MIB1: variants seen among roughly 807,000 people sequenced by gnomAD.
The protein encoded by MIB1 is E3 ubiquitin-protein ligase MIB1.
MIB1 carries 278 observed loss-of-function variants against 124.5 expected under a neutral mutation model. The observed-to-expected ratio is 2.23, with a 90% CI of 2.02 to 2.47. MIB1 has a LOEUF of 2.47. Among genes scored for constraint, MIB1 ranks in the 30% most tolerant of loss-of-function variants. The probability of loss-of-function intolerance (pLI) is 0.00; values close to 1 mark genes in which losing one functional copy is unlikely to be tolerated. For missense variants in MIB1, 957 were observed against 1,254.4 expected (o/e 0.76, Z 3.58); for synonymous variants, 446 against 429.4 (o/e 1.04, Z -0.48).
intron 1 of MIB1, among the ~76,000 whole-genome samples, chr18:21,718,179 G>C (rs1231403850): frequency 6.6e-6 from 1 of 152,146 alleles, no homozygotes; most frequent in Non-Finnish European, 1.5e-5. Context: ...ATAAGTGGGA[G>C]CTAAGCTATG....
rs1215000809 is a variant in MIB1 at position 21,868,070 on chromosome 18, G to T, written c.*3404G>T. 1 of 151,924 alleles carries T rather than the reference G, an allele frequency of 6.6e-6. No homozygotes were observed. Among genetic ancestry groups the T allele is most frequent in the Non-Finnish European group, 1.5e-5 (1 of 67,900 alleles). 9.4% of individuals were successfully genotyped at this position (151,924 alleles called of 1,614,324 possible). A position where few individuals can be genotyped will look rare whatever the true frequency, so the allele number is the denominator to read the frequency against. ...ATCAGAATGTCTACCATGTTTTATA[G>T]TAATAATTTGTGTAAAAAATTGAAT... is the stretch of plus-strand genomic sequence containing the variant. On this transcript the variant is annotated 3_prime_UTR_variant, in exon 21 of 21. Coordinates refer to ENST00000261537, the MANE Select transcript of MIB1 (RefSeq NM_020774.4).
At position 21,761,186 on chromosome 18, in the gene MIB1, A is replaced by G. The variant is rs2298612; in HGVS notation, c.230-4586A>G. Among the ~76,000 whole-genome samples, 427 of 151,866 alleles carry G rather than the reference A, an allele frequency of 2.8e-3. 7 individuals carry two copies. In the East Asian group the frequency reaches 0.037, roughly 13 times the overall value. On this transcript the variant is annotated intron_variant, in intron 1 of 20. Coordinates refer to ENST00000261537, the MANE Select transcript of MIB1 (RefSeq NM_020774.4). Reference sequence around the variant, plus strand: ...CTTCTAACACAAATACCAAAAGTTTACAAAATTAGTTGCAAAACTATTCTC... The same window carrying G: ...CTTCTAACACAAATACCAAAAGTTTGCAAAATTAGTTGCAAAACTATTCTC...
intron 18 of MIB1, chr18:21,854,868 T>A: frequency 4.6e-6 from 1 of 215,708 alleles, no homozygotes; most frequent in Non-Finnish European, 9.7e-6. Context: ...CATGCAGACA[T>A]TGGTGCTTTC....
chr18:21,738,093 C>T (rs538465074), upstream of MIB1, among the ~76,000 whole-genome samples: 69 of 152,316 alleles, frequency 4.5e-4, no homozygotes, highest in Middle Eastern at 3.4e-3. Flanking sequence ...AGCACCACAT[C>T]GCACTTATTC....
Position 21,815,733 on chromosome 18 carries a change from C to G in MIB1, c.1597C>G (p.Pro533Ala). ...LNARNKRRQTPLHIAVNKGHL... is the reference protein window; with the variant it reads ...LNARNKRRQTALHIAVNKGHL... ...TGCTCGAAACAAGCGCCGACAGACA[C>G]CACTTCATATTGCTGTCAATAAAGG... is the stretch of plus-strand genomic sequence containing the variant. Residue 533 changes from proline to alanine, a missense_variant, in exon 11 of 21, where the codon CCA becomes GCA. Pro to Ala is a conservative substitution (Grantham distance 27). Coordinates refer to ENST00000261537, the MANE Select transcript of MIB1 (RefSeq NM_020774.4). The G allele has an allele frequency of 6.2e-7, 1 of 1,614,114 alleles. No individual in the cohort carries two copies. The highest frequency in any genetic ancestry group is 8.5e-7 in the Non-Finnish European group (1 of 1,179,996).
At chr18:21,821,995 C>T (rs898027516) in intron 12 of MIB1, among the ~76,000 whole-genome samples, 1 of 152,158 alleles carries the variant, frequency 6.6e-6, no homozygotes, top group African/African-American at 2.4e-5. Flanking sequence ...TGTGGGCATT[C>T]ATATTCATCT....
chr18:21,740,977 G>T lies in MIB1; in HGVS notation c.-607G>T, dbSNP rs2040841921. 6.6e-6 allele frequency among the ~76,000 whole-genome samples: 1 copy of T among 152,196 alleles called. No homozygotes were observed. The highest frequency in any genetic ancestry group is 2.4e-5 in the African/African-American group (1 of 41,464). On this transcript the variant is annotated 5_prime_UTR_variant, in exon 1 of 21. Coordinates refer to ENST00000261537, the MANE Select transcript of MIB1 (RefSeq NM_020774.4). ...TGTGGAGTCGCTCTCGCCCGGCTGG[G>T]ACTCTGTGGCGGGGCGGAGCGCGGC...
chr18:21,707,057 T>G (rs2040641980), intron 1 of MIB1, among the ~76,000 whole-genome samples: 3 of 152,214 alleles, frequency 2.0e-5, no homozygotes, highest in Admixed American at 2.0e-4. Flanking sequence ...AGTGTCTAGC[T>G]CAAGGTTTGT....
At chr18:21,841,282 G>T (rs1199683997) in intron 13 of MIB1, among the ~76,000 whole-genome samples, 1 of 152,106 alleles carries the variant, frequency 6.6e-6, no homozygotes, top group Non-Finnish European at 1.5e-5. Context: ...CAGGAGAATT[G>T]CTTGAACCCA....
intron 6 of MIB1, among the ~76,000 whole-genome samples, chr18:21,782,499 T>TA: frequency 6.6e-6 from 1 of 152,318 alleles, no homozygotes; most frequent in Middle Eastern, 3.4e-3. Flanking sequence ...TGGATTTTGA[T>TA]ATGTTGTGTT....
chr18:21,724,723 AAAAAATATAT>A (rs1403694511), intron 1 of MIB1, among the ~76,000 whole-genome samples: 18 of 53,832 alleles, frequency 3.3e-4, no homozygotes, highest in Non-Finnish European at 5.0e-4. Context: ...AAAAAAAAAA[AAAAAATATAT>A]ATATATATAT....
intron 20 of MIB1, among the ~76,000 whole-genome samples, chr18:21,863,277 C>T (rs997857237): frequency 1.3e-5 from 2 of 152,200 alleles, no homozygotes; most frequent in Non-Finnish European, 2.9e-5. Context: ...GGCCCCTTGC[C>T]TCATAGTGTG....
chr18:21,846,859 C>T (rs1004851304), intron 15 of MIB1, 85 bp from the exon 16 acceptor site: 5 of 1,294,030 alleles, frequency 3.9e-6, no homozygotes, highest in Non-Finnish European at 5.5e-6. Context: ...CATAAGTGTC[C>T]ACCACACACA....
chr18:21,808,233 T>C (rs1253394579), intron 10 of MIB1, among the ~76,000 whole-genome samples: 2 of 152,210 alleles, frequency 1.3e-5, no homozygotes, highest in East Asian at 3.8e-4. Context: ...AACCTTTCTT[T>C]TTTATATGCA....
chr18:21,810,740 A>G (rs1438210112), intron 10 of MIB1, among the ~76,000 whole-genome samples: 1 of 151,902 alleles, frequency 6.6e-6, no homozygotes, highest in Non-Finnish European at 1.5e-5. Context: ...AATTCAAAAT[A>G]CCTGAAAGAT....
intron 15 of MIB1, among the ~76,000 whole-genome samples, chr18:21,845,512 A>G (rs1281955769): frequency 6.6e-6 from 1 of 152,148 alleles, no homozygotes; most frequent in African/African-American, 2.4e-5. Flanking sequence ...GTTTAGGTCT[A>G]TGATTCTTTT....
At chr18:21,719,455 A>AT (rs920386951) in intron 1 of MIB1, among the ~76,000 whole-genome samples, 3 of 151,350 alleles carry the variant, frequency 2.0e-5, no homozygotes, top group Non-Finnish European at 4.4e-5. Context: ...TTTAAAAAAA[A>AT]TTTTTTTTTG....
chr18:21,745,606 C>A (rs2040902442), intron 1 of MIB1, among the ~76,000 whole-genome samples: 1 of 151,752 alleles, frequency 6.6e-6, no homozygotes, highest in Non-Finnish European at 1.5e-5. Context: ...GGAAGTACAC[C>A]AGGGGCATTT....
Position 21,849,182 on chromosome 18 carries a change from C to CT in MIB1, c.2394-11dup. 1 of 1,479,512 alleles carries CT rather than the reference C, an allele frequency of 6.8e-7. No individual in the cohort carries two copies. Among genetic ancestry groups the CT allele is most frequent in the East Asian group, 2.4e-5 (1 of 41,080 alleles). 91.6% of individuals were successfully genotyped at this position (1,479,512 alleles called of 1,614,324 possible). Reference sequence around the variant, plus strand: ...AATAAGATAGGCTTGATTTGAAATACTTTCTTTTATTAGTGGTCAAGTGGG... The same window carrying CT: ...AATAAGATAGGCTTGATTTGAAATACTTTTCTTTTATTAGTGGTCAAGTGGG... On this transcript the variant is annotated splice_polypyrimidine_tract_variant and intron_variant, in intron 16 of 20. Transcript: ENST00000261537.
Sources: allele counts gnomAD v4.1 joint callset (sites outside exome capture counted in the v4.1 genomes callset), GRCh38; gene constraint gnomAD v4.1.1; transcripts MANE v1.5; gene names NCBI Gene and HGNC (gene_info 2026-07-23, HGNC 2026-07-21).